FRMD3: variants seen among roughly 807,000 people sequenced by gnomAD.
FRMD3 encodes the protein FERM domain containing 3.
FRMD3 carries 33 observed loss-of-function variants against 70.2 expected under a neutral mutation model. The ratio of observed to expected loss-of-function variants is 0.47; its 90% CI spans 0.36 to 0.63. The LOEUF (loss-of-function observed/expected upper bound fraction) is 0.63. Among genes scored for constraint, FRMD3 ranks in the 20% least tolerant of loss-of-function variants. The pLI is 0.00. For synonymous variants in FRMD3, 279 were observed against 255.9 expected (o/e 1.09, Z -0.86); for missense variants, 632 against 711.4 (o/e 0.89, Z 1.27).
intron 13 of FRMD3, among the ~76,000 whole-genome samples, chr9:83,278,575 C>T (rs143890188): frequency 3.3e-5 from 5 of 152,222 alleles, no homozygotes; most frequent in Non-Finnish European, 5.9e-5. Flanking sequence ...AGAAGTTTGA[C>T]GGGAAAGGCA....
chr9:83,553,081 TG>T, the FRMD3 span, among the ~76,000 whole-genome samples: 2 of 152,102 alleles, frequency 1.3e-5, no homozygotes, highest in Admixed American at 6.6e-5. Flanking sequence ...ACAGTTACTC[TG>T]GTCTGTATGT....
chr9:83,356,271 A>ATTTT lies in FRMD3; in HGVS notation c.296-6518_296-6515dup, dbSNP rs869149609. ...TGAGAGAGAAGCATCACTCAGCAGC[A>ATTTT]TTTTTTTTTTTTTTTTTTTTTTTTG... On this transcript the variant is annotated intron_variant, in intron 3 of 13. Transcript: ENST00000304195. Among the ~76,000 whole-genome samples the ATTTT allele has an allele frequency of 1.3e-3, 124 of 94,434 alleles. 1 individual carries two copies. The highest frequency in any genetic ancestry group is 3.7e-3 in the African/African-American group (79 of 21,634). The allele number at this position is 94,434 out of a possible 152,430, so 62.0% of individuals were successfully genotyped here. A position where few individuals can be genotyped will look rare whatever the true frequency, so the allele number is the denominator to read the frequency against.
intron 1 of FRMD3, among the ~76,000 whole-genome samples, chr9:83,528,492 T>C (rs1411382932): frequency 6.6e-6 from 1 of 152,184 alleles, no homozygotes; most frequent in Non-Finnish European, 1.5e-5. Flanking sequence ...TTGTTTTTTT[T>C]AATTTTTCAG....
chr9:83,287,641 T>C (rs1260468107), intron 13 of FRMD3, among the ~76,000 whole-genome samples: 2 of 152,218 alleles, frequency 1.3e-5, no homozygotes, highest in Admixed American at 1.3e-4. Flanking sequence ...TCACACCTCA[T>C]GCAGGTGAAA....
intron 1 of FRMD3, among the ~76,000 whole-genome samples, chr9:83,457,934 C>T (rs1827866545): frequency 8.0e-6 from 1 of 124,492 alleles, no homozygotes; most frequent in Non-Finnish European, 1.6e-5. Context: ...AAGTATACCT[C>T]AATAAAGCTG....
chr9:83,424,063 T>G (rs566285117), intron 1 of FRMD3, among the ~76,000 whole-genome samples: 23 of 152,202 alleles, frequency 1.5e-4, no homozygotes, highest in Non-Finnish European at 2.6e-4. Context: ...GAAGATCTTA[T>G]TAAAATGTAG....
At chr9:83,374,264 A>T (rs561058368) in intron 2 of FRMD3, among the ~76,000 whole-genome samples, 1 of 151,954 alleles carries the variant, frequency 6.6e-6, no homozygotes, top group South Asian at 2.1e-4. Flanking sequence ...GAGCTGAAAA[A>T]CTGAATCGTC....
At chr9:83,297,390 T>C (rs2119011614) in intron 12 of FRMD3, 2 of 176,082 alleles carry the variant, frequency 1.1e-5, no homozygotes, top group South Asian at 1.4e-4. Context: ...AGCAGGACAC[T>C]GGAGTTCTAG....
intron 1 of FRMD3, among the ~76,000 whole-genome samples, chr9:83,405,718 C>T (rs559371275): frequency 9.1e-4 from 138 of 151,444 alleles, no homozygotes; most frequent in Non-Finnish European, 1.6e-3. Context: ...GCCAAGATCG[C>T]GCCATTGCAC....
At chr9:83,478,612 C>G (rs1828455769) in intron 1 of FRMD3, among the ~76,000 whole-genome samples, 1 of 152,108 alleles carries the variant, frequency 6.6e-6, no homozygotes, top group South Asian at 2.1e-4. Flanking sequence ...AAATTAAACA[C>G]AGAATTACCA....
chr9:83,277,813 C>T (rs1279264954), intron 13 of FRMD3, among the ~76,000 whole-genome samples: 1 of 152,172 alleles, frequency 6.6e-6, no homozygotes, highest in Non-Finnish European at 1.5e-5. Context: ...TACATTCATT[C>T]ATTCATTTGT....
At chr9:83,265,514 A>G (rs1331298091) in intron 13 of FRMD3, among the ~76,000 whole-genome samples, 1 of 152,148 alleles carries the variant, frequency 6.6e-6, no homozygotes, top group Non-Finnish European at 1.5e-5. Flanking sequence ...TAAAGGATTA[A>G]TATTCACATT....
chr9:83,417,291 A>T (rs1826485564), intron 1 of FRMD3, among the ~76,000 whole-genome samples: 1 of 152,208 alleles, frequency 6.6e-6, no homozygotes, highest in African/African-American at 2.4e-5. Flanking sequence ...TGCTAAAAAT[A>T]AAACAGTAAA....
At chr9:83,488,569 A>G (rs1471500002) in intron 1 of FRMD3, among the ~76,000 whole-genome samples, 1 of 152,206 alleles carries the variant, frequency 6.6e-6, no homozygotes, top group African/African-American at 2.4e-5. Context: ...AAAAAATCAG[A>G]TGCCAATACT....
the FRMD3 span, among the ~76,000 whole-genome samples, chr9:83,579,446 C>T: frequency 9.2e-5 from 14 of 151,770 alleles, no homozygotes; most frequent in South Asian, 8.3e-4. Context: ...CATCAACCAA[C>T]GGAAGAGAAT....
chr9:83,534,056 G>T (rs1016490308), intron 1 of FRMD3, among the ~76,000 whole-genome samples: 8 of 152,232 alleles, frequency 5.3e-5, no homozygotes, highest in Non-Finnish European at 8.8e-5. Flanking sequence ...AAGGCTGAAT[G>T]AAGAATTAGA....
intron 6 of FRMD3, among the ~76,000 whole-genome samples, chr9:83,317,229 C>T (rs1313756982): frequency 1.4e-5 from 2 of 144,896 alleles, no homozygotes; most frequent in East Asian, 2.0e-4. Flanking sequence ...CACACACACT[C>T]ATTTGTATAC....
rs758089919 is a variant in FRMD3, at chr9:83,298,830, A to G, written c.1002-14T>C. 6.2e-7 allele frequency: 1 copy of G among 1,613,274 alleles called. No homozygotes were observed. Among genetic ancestry groups the G allele is most frequent in the East Asian group, 2.2e-5 (1 of 44,886 alleles). On this transcript the variant is annotated splice_polypyrimidine_tract_variant and intron_variant, in intron 11 of 13. Coordinates refer to ENST00000304195, the MANE Select transcript of FRMD3 (RefSeq NM_174938.6). Reference sequence around the variant, plus strand: ...GCAACTTTCCCACTGCAAAAGACAGAAACACATGTGTATGCACACATAGTC... The same window carrying G: ...GCAACTTTCCCACTGCAAAAGACAGGAACACATGTGTATGCACACATAGTC...
At chr9:83,359,129 AG>A (rs1409746780) in intron 3 of FRMD3, among the ~76,000 whole-genome samples, 1 of 152,200 alleles carries the variant, frequency 6.6e-6, no homozygotes, top group Non-Finnish European at 1.5e-5. Flanking sequence ...TCCAAAGCAG[AG>A]ACAGGTTTTT....
Sources: allele counts gnomAD v4.1 joint callset (sites outside exome capture counted in the v4.1 genomes callset), GRCh38; gene constraint gnomAD v4.1.1; transcripts MANE v1.5; gene names NCBI Gene and HGNC (gene_info 2026-07-23, HGNC 2026-07-21).